Variants in ACAD10 observed in about 807,000 individuals in gnomAD.
ACAD10 encodes ACAD-10.
In ACAD10, 112 loss-of-function variants were observed where a neutral mutation model predicts 116.8. The ratio of observed to expected loss-of-function variants is 0.96; its 90% CI spans 0.82 to 1.12. ACAD10 has a LOEUF of 1.12. ACAD10 is among the 50% of genes most tolerant of loss of function. The probability of loss-of-function intolerance (pLI) is 0.00; values close to 1 mark genes in which losing one functional copy is unlikely to be tolerated. For synonymous variants in ACAD10, 486 were observed against 510.6 expected, an observed-to-expected ratio of 0.95 and a Z score of 0.65; for missense variants, 1,259 against 1,350.2, an observed-to-expected ratio of 0.93 and a Z score of 1.06.
At chr12:111,698,072 G>A (rs1645945324) in intron 2 of ACAD10, among the ~76,000 whole-genome samples, 1 of 149,060 alleles carries the variant, frequency 6.7e-6, no homozygotes, top group Non-Finnish European at 1.5e-5. Context: ...TCGGCTCACT[G>A]TAACCTCTGT....
chr12:111,744,402 C>G (rs1889829925), intron 12 of ACAD10, among the ~76,000 whole-genome samples: 1 of 152,184 alleles, frequency 6.6e-6, no homozygotes, highest in Admixed American at 6.5e-5. Flanking sequence ...CCCCTAACTT[C>G]CAGCTCGTCC....
rs142030532 is a variant in ACAD10, at chr12:111,756,411, G to T, written c.3118G>T (p.Asp1040Tyr). The change falls in exon 21 of 21, where the codon GAC (aspartate) becomes TAC (tyrosine). Residue 1040 changes from aspartate to tyrosine, a missense_variant. Asp to Tyr is a radical substitution (Grantham distance 160, BLOSUM62 -3). Transcript: ENST00000313698. ...CTGGGCCCGAGCCCTGCGCTTTGCC[G>T]ACGGCCCTGACGAGGTGCACCGGGC... ...FTWARALRFA[D>Y]GPDEVHRATV... is the part of the protein sequence containing the mutation. 6.2e-7 allele frequency: 1 copy of T among 1,612,378 alleles called. No homozygotes were observed. Among genetic ancestry groups the T allele is most frequent in the African/African-American group, 1.3e-5 (1 of 75,034 alleles).
intron 14 of ACAD10, among the ~76,000 whole-genome samples, chr12:111,746,808 G>A (rs1222389289): frequency 1.3e-5 from 2 of 152,182 alleles, no homozygotes; most frequent in Non-Finnish European, 2.9e-5. Context: ...CGACACCAGC[G>A]TGTGCAACAT....
chr12:111,729,289 G>A (rs1889318895), intron 9 of ACAD10, among the ~76,000 whole-genome samples: 1 of 152,160 alleles, frequency 6.6e-6, no homozygotes, highest in African/African-American at 2.4e-5. Context: ...CCAGGCTGGA[G>A]TGCAATGGCG....
chr12:111,705,630 AG>A (rs1447616875), intron 3 of ACAD10, 107 bp from the exon 4 acceptor site: 12 of 986,468 alleles, frequency 1.2e-5, no homozygotes, highest in Non-Finnish European at 1.7e-5. Context: ...GGGCTCTTGT[AG>A]CAGAGAGCAG....
In ACAD10 at chr12:111,753,834, C is replaced by G; in HGVS notation, c.2880C>G (p.Ile960Met). Residue 960 changes from isoleucine to methionine, a missense_variant, in exon 19 of 21, where the codon ATC becomes ATG. Transcript: ENST00000313698. ...AGCAGGGCACAGTGCTGGCGGACATCGCGCAGTCGCGCGTGGAGATTGAGC... is the reference window on the plus strand; with the variant it reads ...AGCAGGGCACAGTGCTGGCGGACATGGCGCAGTCGCGCGTGGAGATTGAGC... ...LVEQGTVLADIAQSRVEIEQA... is the reference protein window; with the variant it reads ...LVEQGTVLADMAQSRVEIEQA... 1 of 1,614,006 alleles carries G rather than the reference C, an allele frequency of 6.2e-7. No homozygotes were observed. The highest frequency in any genetic ancestry group is 8.5e-7 in the Non-Finnish European group (1 of 1,180,048).
chr12:111,744,496 G>A (rs1479211363), intron 12 of ACAD10, 147 bp from the exon 13 acceptor site: 6 of 933,746 alleles, frequency 6.4e-6, no homozygotes, highest in Non-Finnish European at 9.6e-6. Flanking sequence ...GATTCAGTGA[G>A]CTATAGTGGC....
intron 4 of ACAD10, among the ~76,000 whole-genome samples, chr12:111,707,751 C>G (rs1211341640): frequency 1.3e-5 from 2 of 152,178 alleles, no homozygotes; most frequent in Non-Finnish European, 2.9e-5. Context: ...TTACCTTAGC[C>G]CTACATCTGC....
chr12:111,744,896 A>G lies in ACAD10; in HGVS notation c.1968A>G (p.Pro656=), dbSNP rs776089922. Residue 656 remains proline (P), a synonymous_variant, in exon 13 of 21, where the codon CCA becomes CCG. Coordinates refer to ENST00000313698, the MANE Select transcript of ACAD10 (RefSeq NM_025247.6). ...HTSRGGLVIS[P]ESLSPPVREL... ...CAAGGGGAGGTCTGGTTATCTCTCCAGAGAGCCTCTCTCCACCTGTCAGAG... is the reference window on the plus strand; with the variant it reads ...CAAGGGGAGGTCTGGTTATCTCTCCGGAGAGCCTCTCTCCACCTGTCAGAG... The G allele has an allele frequency of 1.9e-6, 3 of 1,614,048 alleles. No homozygotes were observed. In the South Asian group the frequency reaches 3.3e-5, roughly 18 times the overall value.
At chr12:111,732,367 A>G (rs1403344903) in intron 10 of ACAD10, among the ~76,000 whole-genome samples, 2 of 152,232 alleles carry the variant, frequency 1.3e-5, no homozygotes, top group African/African-American at 4.8e-5. Flanking sequence ...AAAGGGTAAT[A>G]TATCATTTAT....
intron 8 of ACAD10, among the ~76,000 whole-genome samples, chr12:111,723,356 G>A (rs1354050523): frequency 2.9e-5 from 4 of 137,148 alleles, no homozygotes; most frequent in African/African-American, 1.1e-4. Context: ...CGGGGCGGCT[G>A]TCCAGGCGGG....
At chr12:111,702,575 C>CA (rs1305328385) in intron 3 of ACAD10, among the ~76,000 whole-genome samples, 1 of 151,906 alleles carries the variant, frequency 6.6e-6, no homozygotes, top group Non-Finnish European at 1.5e-5. Context: ...ACTAAAAATA[C>CA]AAAAAATTAG....
intron 12 of ACAD10, among the ~76,000 whole-genome samples, chr12:111,744,163 T>G (rs1889824115): frequency 6.6e-6 from 1 of 152,174 alleles, no homozygotes; most frequent in Non-Finnish European, 1.5e-5. Flanking sequence ...ATGCTGGTGT[T>G]GATTCCCTCC....
chr12:111,755,768 G>T (rs1221123296), intron 20 of ACAD10, 23 bp downstream of exon 20: 4 of 1,610,916 alleles, frequency 2.5e-6, no homozygotes, highest in Non-Finnish European at 3.4e-6. Flanking sequence ...CAGACAGTTG[G>T]CTTATTTGAA....
chr12:111,749,000 G>A, intron 17 of ACAD10, 173 bp from the exon 18 acceptor site: 1 of 1,609,840 alleles, frequency 6.2e-7, no homozygotes, highest in Non-Finnish European at 8.5e-7. Context: ...TTCATTTTCT[G>A]TGTTTAACAG....
intron 14 of ACAD10, among the ~76,000 whole-genome samples, chr12:111,746,686 C>G (rs1397512369): frequency 4.0e-5 from 6 of 151,892 alleles, no homozygotes; most frequent in Admixed American, 1.3e-4. Context: ...CCATGCCCAT[C>G]CAATTTGAAG....
intron 1 of ACAD10, among the ~76,000 whole-genome samples, chr12:111,687,404 A>G (rs1194746397): frequency 3.9e-5 from 6 of 152,116 alleles, no homozygotes; most frequent in Non-Finnish European, 5.9e-5. Context: ...TAGAGTGTTT[A>G]GAAACATCCC....
At chr12:111,738,198 A>G (rs1889629938) in intron 12 of ACAD10, among the ~76,000 whole-genome samples, 1 of 152,088 alleles carries the variant, frequency 6.6e-6, no homozygotes. Context: ...GTCTTTGACA[A>G]CTTCCTTGCT....
chr12:111,715,869 A>ACTACATCAGGCTGGCTAATCGT lies in ACAD10; in HGVS notation c.900_921dup (p.Asp308LeufsTer6). The ACTACATCAGGCTGGCTAATCGT allele has an allele frequency of 6.2e-7, 1 of 1,614,094 alleles. No homozygotes were observed. Among genetic ancestry groups the ACTACATCAGGCTGGCTAATCGT allele is most frequent in the Admixed American group, 1.7e-5 (1 of 60,012 alleles). ...GATCACGGGCAGTCAAATCCAACTT[A>ACTACATCAGGCTGGCTAATCGT]CTACATCAGGCTGGCTAATCGTGAT... On this transcript the variant is annotated frameshift_variant, in exon 7 of 21. Coordinates refer to ENST00000313698, the MANE Select transcript of ACAD10 (RefSeq NM_025247.6). LOFTEE classifies it high-confidence loss of function.
Sources: allele counts gnomAD v4.1 joint callset (sites outside exome capture counted in the v4.1 genomes callset), GRCh38; gene constraint gnomAD v4.1.1; transcripts MANE v1.5; gene names NCBI Gene and HGNC (gene_info 2026-07-23, HGNC 2026-07-21).